Variants in SUSD6 observed in about 807,000 individuals in gnomAD.
SUSD6 encodes sushi domain containing 6, also known as sushi domain-containing protein 6.
SUSD6 carries 16 observed loss-of-function variants against 28.4 expected under a neutral mutation model. That is an observed-to-expected ratio of 0.56 (90% CI 0.38 to 0.86). SUSD6 has a LOEUF of 0.86. Ranked by LOEUF, SUSD6 falls within the 40% of genes least tolerant of loss-of-function variation. The pLI is 0.00. For missense variants in SUSD6, 341 were observed against 384.2 expected, an observed-to-expected ratio of 0.89 and a Z score of 0.94; for synonymous variants, 147 against 159.6, an observed-to-expected ratio of 0.92 and a Z score of 0.59.
intron 1 of SUSD6, among the ~76,000 whole-genome samples, chr14:69,613,969 A>C (rs1884920019): frequency 6.6e-6 from 1 of 152,218 alleles, no homozygotes; most frequent in Non-Finnish European, 1.5e-5. Context: ...GGGTAGAATG[A>C]GGTGTTACAG....
intron 1 of SUSD6, among the ~76,000 whole-genome samples, chr14:69,648,945 G>T (rs1037580849): frequency 1.3e-5 from 2 of 151,602 alleles, no homozygotes; most frequent in Non-Finnish European, 1.5e-5. Flanking sequence ...ATCTTTCTTT[G>T]TAAGTAGCAC....
Position 69,687,099 on chromosome 14 carries a change from C to T in SUSD6, c.122-16296C>T, listed in dbSNP as rs1343759294. Among the ~76,000 whole-genome samples, 6 of 152,134 alleles carry T rather than the reference C, an allele frequency of 3.9e-5. No homozygotes were observed. In the East Asian group the frequency reaches 5.8e-4, roughly 15 times the overall value. Reference sequence around the variant, plus strand: ...AGGCGAGTCTCCTGCCTCAGCCTCCCGAGTAGCTGGGATTACAGGCACCCG... The same window carrying T: ...AGGCGAGTCTCCTGCCTCAGCCTCCTGAGTAGCTGGGATTACAGGCACCCG... On this transcript the variant is annotated intron_variant, in intron 2 of 5. Coordinates refer to ENST00000342745, the MANE Select transcript of SUSD6 (RefSeq NM_014734.4).
intron 2 of SUSD6, among the ~76,000 whole-genome samples, chr14:69,662,287 T>G (rs1010540354): frequency 6.6e-6 from 1 of 152,214 alleles, no homozygotes; most frequent in Non-Finnish European, 1.5e-5. Context: ...GGAGACAATT[T>G]GTCTGCATCG....
At chr14:69,709,144 G>T in intron 5 of SUSD6, 40 bp downstream of exon 5, 1 of 1,502,600 alleles carries the variant, frequency 6.7e-7, no homozygotes, top group South Asian at 1.3e-5. Flanking sequence ...TAGCTGCTTA[G>T]GGTCCTTGCT....
At chr14:69,613,349 A>G (rs1884910515) in intron 1 of SUSD6, among the ~76,000 whole-genome samples, 1 of 152,172 alleles carries the variant, frequency 6.6e-6, no homozygotes, top group Non-Finnish European at 1.5e-5. Flanking sequence ...TTATACTGCT[A>G]GTTTCTGGTT....
intron 1 of SUSD6, among the ~76,000 whole-genome samples, chr14:69,637,643 C>A (rs541072781): frequency 1.3e-5 from 2 of 152,114 alleles, no homozygotes; most frequent in African/African-American, 4.8e-5. Flanking sequence ...ATCCCCACCC[C>A]CAGGACACTC....
chr14:69,704,712 A>G lies in SUSD6; in HGVS notation c.428A>G (p.Gln143Arg). The change falls in exon 4 of 6, where the codon CAG becomes CGG. Residue 143 changes from glutamine (Q) to arginine (R), a missense_variant. Coordinates refer to ENST00000342745, the MANE Select transcript of SUSD6 (RefSeq NM_014734.4). ...CTCGTGGTGCTGTTTGTGCTGCTGC[A>G]GCCAAAGCTGAAGTCTTTCCATCAT... ...LLLVVLFVLL[Q>R]PKLKSFHHSR... is the part of the protein sequence containing the mutation. 6.2e-7 allele frequency: 1 copy of G among 1,614,170 alleles called. No individual in the cohort carries two copies. Among genetic ancestry groups the G allele is most frequent in the Non-Finnish European group, 8.5e-7 (1 of 1,180,028 alleles).
chr14:69,672,232 C>A lies in SUSD6; in HGVS notation c.121+13519C>A, dbSNP rs139715649. 1.3e-3 allele frequency among the ~76,000 whole-genome samples: 195 copies of A among 152,270 alleles called. 1 individual carries two copies. Among genetic ancestry groups the A allele is most frequent in the African/African-American group, 4.4e-3 (181 of 41,546 alleles). On this transcript the variant is annotated intron_variant, in intron 2 of 5. Transcript: ENST00000342745. Reference sequence around the variant, plus strand: ...AAGCCCAAACCTATGGAATCGAAATCTAAAGCTTGGACTTCTAAATGTGAT... The same window carrying A: ...AAGCCCAAACCTATGGAATCGAAATATAAAGCTTGGACTTCTAAATGTGAT...
At chr14:69,692,701 G>T (rs958507827) in intron 2 of SUSD6, among the ~76,000 whole-genome samples, 4 of 152,136 alleles carry the variant, frequency 2.6e-5, no homozygotes, top group South Asian at 2.1e-4. Context: ...CTTGGCATTA[G>T]GAGTTACCAT....
At chr14:69,652,355 G>A (rs754244597) in intron 1 of SUSD6, among the ~76,000 whole-genome samples, 10 of 152,132 alleles carry the variant, frequency 6.6e-5, no homozygotes, top group Non-Finnish European at 1.3e-4. Context: ...GCTGAGGCAC[G>A]AGAATCACTT....
At chr14:69,667,761 T>C (rs906720308) in intron 2 of SUSD6, among the ~76,000 whole-genome samples, 1 of 152,122 alleles carries the variant, frequency 6.6e-6, no homozygotes, top group African/African-American at 2.4e-5. Context: ...GTTTTATACC[T>C]CTCACACACC....
At chr14:69,617,035 G>A (rs1217498977) in intron 1 of SUSD6, 1 of 152,158 alleles carries the variant, frequency 6.6e-6, no homozygotes, top group Non-Finnish European at 1.5e-5. Context: ...GGAATCATAT[G>A]ATATGTGGTC....
intron 2 of SUSD6, among the ~76,000 whole-genome samples, chr14:69,702,952 G>A (rs1370449378): frequency 2.0e-5 from 3 of 152,156 alleles, no homozygotes; most frequent in Non-Finnish European, 4.4e-5. Flanking sequence ...CTCAGGCCAA[G>A]AGTGCACGTT....
At chr14:69,614,214 G>A (rs888916145) in intron 1 of SUSD6, among the ~76,000 whole-genome samples, 2 of 152,164 alleles carry the variant, frequency 1.3e-5, no homozygotes, top group Admixed American at 6.5e-5. Context: ...CTACAGGTGC[G>A]TGTCATCACG....
chr14:69,671,988 A>G (rs567740632), intron 2 of SUSD6, among the ~76,000 whole-genome samples: 26 of 152,290 alleles, frequency 1.7e-4, no homozygotes, highest in Non-Finnish European at 2.9e-4. Flanking sequence ...AATATATGTA[A>G]AAGTCCCGGG....
intron 2 of SUSD6, among the ~76,000 whole-genome samples, chr14:69,685,636 A>C (rs1270070552): frequency 6.6e-6 from 1 of 152,152 alleles, no homozygotes; most frequent in East Asian, 1.9e-4. Flanking sequence ...TTGTATGTGG[A>C]CCTACCTAAG....
Position 69,712,025 on chromosome 14 carries a change from G to C in SUSD6, c.*1046G>C, listed in dbSNP as rs1461211288. 6.6e-6 allele frequency: 1 copy of C among 152,374 alleles called. No individual in the cohort carries two copies. Among genetic ancestry groups the C allele is most frequent in the African/African-American group, 2.4e-5 (1 of 41,466 alleles). 9.4% of individuals were successfully genotyped at this position (152,374 alleles called of 1,614,324 possible). A position where few individuals can be genotyped will look rare whatever the true frequency, so the allele number is the denominator to read the frequency against. On this transcript the variant is annotated 3_prime_UTR_variant, in exon 6 of 6. Transcript: ENST00000342745. ...CCTTTCTGGGTTTGTGGTGACGGAG[G>C]GGAGGCCGAGAGGCACAGACCAAGT...
intron 1 of SUSD6, among the ~76,000 whole-genome samples, chr14:69,650,713 C>A (rs1316272255): frequency 6.6e-6 from 1 of 152,152 alleles, no homozygotes; most frequent in East Asian, 1.9e-4. Flanking sequence ...TCCCTTTCTC[C>A]CTGGGCCCCT....
chr14:69,641,009 G>A (rs1329109584), intron 1 of SUSD6, among the ~76,000 whole-genome samples: 1 of 152,196 alleles, frequency 6.6e-6, no homozygotes, highest in Non-Finnish European at 1.5e-5. Context: ...TCTCACCCTT[G>A]TACTCAACAC....
Sources: allele counts gnomAD v4.1 joint callset (sites outside exome capture counted in the v4.1 genomes callset), GRCh38; gene constraint gnomAD v4.1.1; transcripts MANE v1.5; gene names NCBI Gene and HGNC (gene_info 2026-07-23, HGNC 2026-07-21).